Variants in CLIC4 observed in about 807,000 individuals in gnomAD.
The protein encoded by CLIC4 is CLIC family member 4, also known as chloride intracellular channel protein 4.
A neutral mutation model predicts 24.6 loss-of-function variants in CLIC4; 13 were observed. The observed-to-expected ratio is 0.53, with a 90% CI of 0.34 to 0.84. The LOEUF (loss-of-function observed/expected upper bound fraction) is 0.84, where lower values mean the gene tolerates loss of function less well. CLIC4 is among the 40% of genes least tolerant of loss of function. The probability of loss-of-function intolerance (pLI) is 0.01; values close to 1 mark genes in which losing one functional copy is unlikely to be tolerated. For missense variants in CLIC4, 227 were observed against 301.7 expected (o/e 0.75, Z 1.83); for synonymous variants, 104 against 111.3 (o/e 0.93, Z 0.41).
At chr1:24,829,978 G>A (rs953699136) in intron 4 of CLIC4, among the ~76,000 whole-genome samples, 3 of 152,114 alleles carry the variant, frequency 2.0e-5, no homozygotes, top group African/African-American at 4.8e-5. Flanking sequence ...TTAAGACTGC[G>A]GTAGGTAGCT....
intron 1 of CLIC4, among the ~76,000 whole-genome samples, chr1:24,766,206 T>C (rs1228955027): frequency 6.6e-6 from 1 of 151,988 alleles, no homozygotes; most frequent in Non-Finnish European, 1.5e-5. Flanking sequence ...GGTTACACCA[T>C]GTTGGCCAGG....
chr1:24,798,453 A>G lies in CLIC4; in HGVS notation c.182+602A>G, dbSNP rs1262185510. ...TGTTTGTAGGTTTCTCTCCTGGATG[A>G]CTTTATGGCTTATTTTCCATAGTGG... On this transcript the variant is annotated intron_variant, in intron 2 of 5. Coordinates refer to ENST00000374379, the MANE Select transcript of CLIC4 (RefSeq NM_013943.3). Among the ~76,000 whole-genome samples the G allele has an allele frequency of 2.6e-5, 4 of 152,066 alleles. No homozygotes were observed. In the East Asian group the frequency reaches 7.7e-4, roughly 29 times the overall value.
chr1:24,771,399 A>T (rs889839029), intron 1 of CLIC4, among the ~76,000 whole-genome samples: 5 of 152,180 alleles, frequency 3.3e-5, no homozygotes, highest in African/African-American at 1.2e-4. Flanking sequence ...TTTTTGTTCC[A>T]GGCTAGAATG....
At chr1:24,784,003 A>AT (rs552630401) in intron 1 of CLIC4, among the ~76,000 whole-genome samples, 1,555 of 130,244 alleles carry the variant, frequency 0.012, 22 homozygotes, top group African/African-American at 0.027. Flanking sequence ...TCCAGTTTTG[A>AT]TTTTTTTTTT....
At chr1:24,806,491 GT>G (rs1426553254) in intron 2 of CLIC4, among the ~76,000 whole-genome samples, 6 of 152,136 alleles carry the variant, frequency 3.9e-5, no homozygotes, top group Non-Finnish European at 7.3e-5. Flanking sequence ...CTTGGAAACA[GT>G]TTTATCGCTT....
intron 1 of CLIC4, among the ~76,000 whole-genome samples, chr1:24,788,483 C>T (rs181882541): frequency 6.6e-6 from 1 of 152,212 alleles, no homozygotes; most frequent in East Asian, 1.9e-4. Flanking sequence ...GGATTGGTTC[C>T]AGGACTCCTC....
chr1:24,805,141 A>G (rs989876781), intron 2 of CLIC4, among the ~76,000 whole-genome samples: 1 of 150,986 alleles, frequency 6.6e-6, no homozygotes, highest in Non-Finnish European at 1.5e-5. Context: ...TGGAATCCAT[A>G]TTTGAAATCT....
At chr1:24,836,337 A>G (rs895162358) in intron 4 of CLIC4, among the ~76,000 whole-genome samples, 1 of 152,200 alleles carries the variant, frequency 6.6e-6, no homozygotes, top group African/African-American at 2.4e-5. Flanking sequence ...AGAAGATAAA[A>G]TTGAACAATA....
intron 1 of CLIC4, among the ~76,000 whole-genome samples, chr1:24,781,522 T>G (rs1557801146): frequency 6.6e-6 from 1 of 151,872 alleles, no homozygotes; most frequent in African/African-American, 2.4e-5. Context: ...GAGGTTAATG[T>G]GATTGTAGTC....
chr1:24,775,220 C>CTTTTTTTT (rs1439553733), intron 1 of CLIC4, among the ~76,000 whole-genome samples: 2 of 77,034 alleles, frequency 2.6e-5, no homozygotes, highest in Non-Finnish European at 5.2e-5. Context: ...TCCTTTCTTT[C>CTTTTTTTT]TTTCTTTTTT....
Position 24,823,405 on chromosome 1 carries a change from TAAA to T in CLIC4, c.309-3603_309-3601del, listed in dbSNP as rs1639753921. On this transcript the variant is annotated intron_variant, in intron 3 of 5. Coordinates refer to ENST00000374379, the MANE Select transcript of CLIC4 (RefSeq NM_013943.3). ...TAGATATACTTAGCTAACTTACTGA[TAAA>T]AGGATAAAATAGAAGGAAGCGAGAT... Among the ~76,000 whole-genome samples, 4 of 152,308 alleles carry T rather than the reference TAAA, an allele frequency of 2.6e-5. No individual in the cohort carries two copies. The South Asian group carries it at 8.3e-4, about 32-fold the overall frequency.
Position 24,785,011 on chromosome 1 carries a change from A to AAG in CLIC4, c.73-12730_73-12729insGA, listed in dbSNP as rs1265076270. On this transcript the variant is annotated intron_variant, in intron 1 of 5. Transcript: ENST00000374379. ...AGCGCGAGACTCTGTCTCAAAAAAA[A>AAG]AAAAAAAGAAAAAAGAAAAAGAATA... 2.6e-5 allele frequency among the ~76,000 whole-genome samples: 4 copies of AAG among 151,436 alleles called. 1 individual carries two copies. Among genetic ancestry groups the AAG allele is most frequent in the Admixed American group, 1.3e-4 (2 of 15,210 alleles).
intron 1 of CLIC4, among the ~76,000 whole-genome samples, chr1:24,785,067 A>T (rs186589307): frequency 1.7e-4 from 26 of 150,486 alleles, no homozygotes; most frequent in Middle Eastern, 3.5e-3. Flanking sequence ...GTGAACATTT[A>T]AACTTTATGT....
chr1:24,813,469 A>G (rs1303746080), intron 2 of CLIC4, among the ~76,000 whole-genome samples: 1 of 151,480 alleles, frequency 6.6e-6, no homozygotes, highest in Non-Finnish European at 1.5e-5. Context: ...CCTAGGCTGG[A>G]GTGCAGTGGT....
At position 24,841,364 on chromosome 1, in the gene CLIC4, T is replaced by C. The variant is rs1639940282; in HGVS notation, c.*427T>C. 6.5e-6 allele frequency: 1 copy of C among 152,990 alleles called. No homozygotes were observed. Among genetic ancestry groups the C allele is most frequent in the Non-Finnish European group, 1.5e-5 (1 of 68,606 alleles). 9.5% of individuals were successfully genotyped at this position (152,990 alleles called of 1,614,324 possible). On this transcript the variant is annotated 3_prime_UTR_variant, in exon 6 of 6. Coordinates refer to ENST00000374379, the MANE Select transcript of CLIC4 (RefSeq NM_013943.3). ...GGTGCATAATGCATGGTACAAGAAA[T>C]ATTTATGTATTTTTTGGAATTTTGT...
At chr1:24,815,083 G>A (rs1263468052) in intron 3 of CLIC4, among the ~76,000 whole-genome samples, 1 of 152,172 alleles carries the variant, frequency 6.6e-6, no homozygotes, top group African/African-American at 2.4e-5. Flanking sequence ...AATGAGTCAC[G>A]TGAAATTTTT....
At chr1:24,817,734 G>A (rs1038719623) in intron 3 of CLIC4, among the ~76,000 whole-genome samples, 4 of 152,152 alleles carry the variant, frequency 2.6e-5, no homozygotes, top group East Asian at 1.9e-4. Flanking sequence ...CTCAGCTTTC[G>A]ACATGCTTTC....
chr1:24,793,459 A>G (rs1639363532), intron 1 of CLIC4, among the ~76,000 whole-genome samples: 1 of 152,212 alleles, frequency 6.6e-6, no homozygotes, highest in Admixed American at 6.5e-5. Flanking sequence ...TTGAGTGCCT[A>G]TAACAAAATA....
chr1:24,818,937 A>G (rs1207834817), intron 3 of CLIC4, among the ~76,000 whole-genome samples: 1 of 151,984 alleles, frequency 6.6e-6, no homozygotes, highest in Non-Finnish European at 1.5e-5. Flanking sequence ...ATACAGAAAT[A>G]GTATGTAATG....
Sources: allele counts gnomAD v4.1 joint callset (sites outside exome capture counted in the v4.1 genomes callset), GRCh38; gene constraint gnomAD v4.1.1; transcripts MANE v1.5; gene names NCBI Gene and HGNC (gene_info 2026-07-23, HGNC 2026-07-21).